The following CSMD1 variants were observed in gnomAD, a reference collection of about 807,000 sequenced individuals.
CSMD1 encodes the protein CUB and Sushi multiple domains 1, also known as CUB and sushi domain-containing protein 1.
In CSMD1, 213 loss-of-function variants were observed where a neutral mutation model predicts 417.5. The ratio of observed to expected loss-of-function variants is 0.51; its 90% confidence interval spans 0.46 to 0.57. The LOEUF (loss-of-function observed/expected upper bound fraction) is 0.57. Among genes scored for constraint, CSMD1 ranks in the 20% least tolerant of loss-of-function variants. The pLI, the probability that CSMD1 is intolerant of heterozygous loss-of-function variation, is 0.00. For missense variants in CSMD1, 6,923 were observed against 4,529.7 expected, an observed-to-expected ratio of 1.53 and a Z score of -15.17; for synonymous variants, 2,862 against 1,736.8, an observed-to-expected ratio of 1.65 and a Z score of -16.11.
intron 37 of CSMD1, among the ~76,000 whole-genome samples, chr8:3,168,668 T>C (rs1025206005): frequency 4.6e-5 from 7 of 150,608 alleles, no homozygotes; most frequent in Non-Finnish European, 8.8e-5. Context: ...TATATATATA[T>C]GGAAAACGCC....
intron 23 of CSMD1, among the ~76,000 whole-genome samples, chr8:3,315,532 C>A (rs569381514): frequency 5.3e-5 from 8 of 151,384 alleles, no homozygotes; most frequent in Non-Finnish European, 1.0e-4. Flanking sequence ...CAAATTGAGT[C>A]CTCTTGTTAG....
intron 10 of CSMD1, among the ~76,000 whole-genome samples, chr8:3,494,162 A>G (rs1165989400): frequency 1.3e-5 from 2 of 152,132 alleles, no homozygotes; most frequent in African/African-American, 2.4e-5. Context: ...GGAATTATCC[A>G]TATTAGCACC....
At chr8:3,712,975 G>C (rs959508905) in intron 6 of CSMD1, among the ~76,000 whole-genome samples, 1 of 152,180 alleles carries the variant, frequency 6.6e-6, no homozygotes, top group South Asian at 2.1e-4. Flanking sequence ...TGCTTCAAAG[G>C]TGCTGAGAGT....
intron 3 of CSMD1, among the ~76,000 whole-genome samples, chr8:4,376,310 A>G (rs1203359387): frequency 1.3e-5 from 2 of 152,212 alleles, no homozygotes; most frequent in Non-Finnish European, 2.9e-5. Flanking sequence ...TTAGAAAGTC[A>G]GGACATTTTC....
chr8:4,041,109 C>T (rs1175379109), intron 3 of CSMD1, among the ~76,000 whole-genome samples: 3 of 150,062 alleles, frequency 2.0e-5, no homozygotes, highest in East Asian at 2.0e-4. Flanking sequence ...CTCCGCCTCC[C>T]GGGTTCCCGC....
chr8:3,951,507 G>C (rs1458607623), intron 5 of CSMD1, among the ~76,000 whole-genome samples: 2 of 152,108 alleles, frequency 1.3e-5, no homozygotes, highest in African/African-American at 4.8e-5. Context: ...TGGTTGACCT[G>C]AGCCCCAGAA....
intron 3 of CSMD1, among the ~76,000 whole-genome samples, chr8:4,099,982 T>C (rs990095311): frequency 6.6e-6 from 1 of 151,908 alleles, no homozygotes; most frequent in African/African-American, 2.4e-5. Context: ...AATACAGTTG[T>C]CTAAACTCTC....
intron 5 of CSMD1, among the ~76,000 whole-genome samples, chr8:3,757,185 C>T (rs1238729386): frequency 6.6e-6 from 1 of 152,186 alleles, no homozygotes; most frequent in Non-Finnish European, 1.5e-5. Flanking sequence ...CCCACATCCA[C>T]TCTTTACCCT....
At chr8:3,627,440 T>A (rs983391049) in intron 7 of CSMD1, among the ~76,000 whole-genome samples, 2 of 152,196 alleles carry the variant, frequency 1.3e-5, no homozygotes. Flanking sequence ...GACATTAACA[T>A]GCACTGAGAA....
chr8:4,551,178 A>G (rs1797854500), intron 2 of CSMD1, among the ~76,000 whole-genome samples: 1 of 152,128 alleles, frequency 6.6e-6, no homozygotes, highest in Non-Finnish European at 1.5e-5. Flanking sequence ...CCTTCCACGG[A>G]CTCAGCTCAG....
intron 21 of CSMD1, among the ~76,000 whole-genome samples, chr8:3,357,029 G>A (rs1231857853): frequency 2.0e-5 from 3 of 151,948 alleles, no homozygotes; most frequent in Non-Finnish European, 2.9e-5. Flanking sequence ...GGACTGCGGG[G>A]TTCTGGAGTG....
At chr8:3,161,958 A>G (rs963390802) in intron 38 of CSMD1, among the ~76,000 whole-genome samples, 2 of 152,248 alleles carry the variant, frequency 1.3e-5, no homozygotes, top group African/African-American at 2.4e-5. Flanking sequence ...TACAATGCTT[A>G]GCTTTGAAAG....
chr8:3,574,977 C>G lies in CSMD1; in HGVS notation c.1312G>C (p.Val438Leu). ...GGGTCGGTGGTGGTGATGACCCACACACAGTGTGCATTATCTTCATACTGA... is the reference window on the plus strand; with the variant it reads ...GGGTCGGTGGTGGTGATGACCCACAGACAGTGTGCATTATCTTCATACTGA... ...PVQYEDNAHC[V>L]WVITTTDPDK... Residue 438 changes from valine to leucine, a missense_variant, in exon 10 of 70, where the codon GTG becomes CTG. By Grantham distance (32) the Val-to-Leu change is conservative. Coordinates refer to ENST00000635120, the MANE Select transcript of CSMD1 (RefSeq NM_033225.6). The G allele has an allele frequency of 1.9e-6, 3 of 1,612,886 alleles. No individual in the cohort carries two copies. Among genetic ancestry groups the G allele is most frequent in the Non-Finnish European group, 2.5e-6 (3 of 1,179,768 alleles).
At chr8:3,275,250 A>T (rs1299561587) in intron 26 of CSMD1, among the ~76,000 whole-genome samples, 1 of 152,178 alleles carries the variant, frequency 6.6e-6, no homozygotes. Context: ...AATGTTGAAT[A>T]TTGGCCACCG....
intron 1 of CSMD1, among the ~76,000 whole-genome samples, chr8:4,688,189 G>A (rs941370539): frequency 1.3e-5 from 2 of 152,128 alleles, no homozygotes; most frequent in Admixed American, 6.5e-5. Flanking sequence ...GTGTACGAGA[G>A]TCAAGATTCT....
chr8:4,559,618 C>G (rs767982765), intron 2 of CSMD1, among the ~76,000 whole-genome samples: 8 of 152,180 alleles, frequency 5.3e-5, no homozygotes, highest in Non-Finnish European at 1.0e-4. Flanking sequence ...ATTATAACCT[C>G]TATAACCAAG....
intron 1 of CSMD1, among the ~76,000 whole-genome samples, chr8:4,737,486 T>G (rs1220254617): frequency 6.6e-6 from 1 of 152,010 alleles, no homozygotes; most frequent in African/African-American, 2.4e-5. Flanking sequence ...ACCCCTGAAG[T>G]TAAAATAACA....
chr8:3,037,088 T>A (rs1404339021), intron 50 of CSMD1, among the ~76,000 whole-genome samples: 1 of 152,238 alleles, frequency 6.6e-6, no homozygotes, highest in Non-Finnish European at 1.5e-5. Flanking sequence ...GGTCTTCCAT[T>A]CCTGAGTTAC....
intron 6 of CSMD1, among the ~76,000 whole-genome samples, chr8:3,737,013 C>T (rs773495704): frequency 3.9e-5 from 6 of 152,144 alleles, no homozygotes; most frequent in African/African-American, 7.2e-5. Context: ...ATTCAGCACA[C>T]GACTGTGGTT....
Sources: allele counts gnomAD v4.1 joint callset (sites outside exome capture counted in the v4.1 genomes callset), GRCh38; gene constraint gnomAD v4.1.1; transcripts MANE v1.5; gene names NCBI Gene and HGNC (gene_info 2026-07-23, HGNC 2026-07-21).